ZFPM2: variants seen among roughly 807,000 people sequenced by gnomAD.
ZFPM2 encodes the protein zinc finger protein ZFPM2.
Under a neutral mutation model 98.6 loss-of-function variants are expected in ZFPM2, and 20 were observed. The ratio of observed to expected loss-of-function variants is 0.20; its 90% CI spans 0.14 to 0.29. ZFPM2 has a LOEUF of 0.29. Ranked by LOEUF, ZFPM2 falls within the 10% of genes least tolerant of loss-of-function variation. The pLI is 1.00. For missense variants in ZFPM2, 1,310 were observed against 1,388.6 expected, an observed-to-expected ratio of 0.94 and a Z score of 0.90; for synonymous variants, 518 against 502.7, an observed-to-expected ratio of 1.03 and a Z score of -0.41.
At chr8:105,377,582 C>A (rs1222809316) in intron 1 of ZFPM2, among the ~76,000 whole-genome samples, 14 of 101,028 alleles carry the variant, frequency 1.4e-4, no homozygotes, top group African/African-American at 4.9e-4. Context: ...GCCAACATAG[C>A]AAAACCCCGT....
intron 2 of ZFPM2, 85 bp downstream of exon 2, chr8:105,419,387 G>A: frequency 6.8e-7 from 1 of 1,468,410 alleles, no homozygotes; most frequent in Non-Finnish European, 9.2e-7. Flanking sequence ...AGTCCTCAGA[G>A]TGCTGACACA....
intron 1 of ZFPM2, among the ~76,000 whole-genome samples, chr8:105,402,267 ATTC>A (rs1811355577): frequency 2.0e-5 from 3 of 151,956 alleles, no homozygotes; most frequent in Admixed American, 2.0e-4. Flanking sequence ...GTGCTTTTTT[ATTC>A]TAATCTTCAA....
chr8:105,588,606 A>G (rs991241780), intron 4 of ZFPM2, among the ~76,000 whole-genome samples: 5 of 152,152 alleles, frequency 3.3e-5, no homozygotes, highest in African/African-American at 1.2e-4. Context: ...TAGGACTTCA[A>G]TCTCAGTGGA....
At chr8:105,693,993 T>TC (rs1327186485) in intron 5 of ZFPM2, among the ~76,000 whole-genome samples, 1 of 82,040 alleles carries the variant, frequency 1.2e-5, no homozygotes, top group Non-Finnish European at 3.0e-5. Context: ...TTTTTTTTTT[T>TC]TTTTTTTTTG....
intron 1 of ZFPM2, among the ~76,000 whole-genome samples, chr8:105,395,426 G>A (rs550190635): frequency 2.0e-5 from 3 of 152,224 alleles, no homozygotes; most frequent in East Asian, 1.9e-4. Context: ...CCCAGAGATG[G>A]TAGGATCCAC....
intron 4 of ZFPM2, among the ~76,000 whole-genome samples, chr8:105,580,709 C>G (rs979456971): frequency 6.6e-6 from 1 of 151,828 alleles, no homozygotes; most frequent in Non-Finnish European, 1.5e-5. Flanking sequence ...AAAAGAAACA[C>G]AAACTAAGAT....
intron 5 of ZFPM2, among the ~76,000 whole-genome samples, chr8:105,655,838 A>T (rs567233830): frequency 6.6e-6 from 1 of 152,356 alleles, no homozygotes; most frequent in South Asian, 2.1e-4. Context: ...CGTTACTTTT[A>T]TGATAGGGCC....
intron 1 of ZFPM2, among the ~76,000 whole-genome samples, chr8:105,330,438 G>A (rs1360945749): frequency 6.7e-6 from 1 of 150,114 alleles, no homozygotes; most frequent in Non-Finnish European, 1.5e-5. Context: ...CACCATTTCA[G>A]CAGTAATTAG....
intron 5 of ZFPM2, among the ~76,000 whole-genome samples, chr8:105,672,609 A>G (rs74945451): frequency 6.6e-6 from 1 of 152,100 alleles, no homozygotes. Flanking sequence ...TGACTTTTTG[A>G]TCATCTTTCT....
chr8:105,530,485 G>A (rs1244084655), intron 3 of ZFPM2, among the ~76,000 whole-genome samples: 3 of 152,218 alleles, frequency 2.0e-5, no homozygotes, highest in South Asian at 2.1e-4. Flanking sequence ...TCAGGGTGAC[G>A]TCATGGTCAA....
chr8:105,394,349 G>GCTAA (rs1336656364), intron 1 of ZFPM2, among the ~76,000 whole-genome samples: 3 of 152,250 alleles, frequency 2.0e-5, no homozygotes, highest in Non-Finnish European at 4.4e-5. Flanking sequence ...TTACTGACAT[G>GCTAA]CTAACTCTGT....
intron 5 of ZFPM2, among the ~76,000 whole-genome samples, chr8:105,768,011 C>G (rs1812893533): frequency 6.6e-6 from 1 of 151,744 alleles, no homozygotes; most frequent in South Asian, 2.1e-4. Flanking sequence ...GCAGGCATCT[C>G]CAGTTAAATG....
chr8:105,569,133 A>G (rs571782230), intron 4 of ZFPM2, among the ~76,000 whole-genome samples: 19 of 152,154 alleles, frequency 1.2e-4, no homozygotes, highest in Non-Finnish European at 1.9e-4. Flanking sequence ...TAGGTTTACT[A>G]GGATAAGAGC....
chr8:105,603,129 A>G (rs934941412), intron 4 of ZFPM2, among the ~76,000 whole-genome samples: 7 of 152,218 alleles, frequency 4.6e-5, no homozygotes, highest in African/African-American at 1.7e-4. Flanking sequence ...CAAAAATTGT[A>G]TGGTGTTAGG....
At chr8:105,553,572 A>G (rs1230799007) in intron 3 of ZFPM2, among the ~76,000 whole-genome samples, 1 of 152,184 alleles carries the variant, frequency 6.6e-6, no homozygotes, top group Non-Finnish European at 1.5e-5. Flanking sequence ...TTTCCAGTGC[A>G]ATTACAAGCT....
intron 5 of ZFPM2, among the ~76,000 whole-genome samples, chr8:105,763,691 C>T (rs76599683): frequency 1.3e-5 from 2 of 151,832 alleles, no homozygotes; most frequent in Non-Finnish European, 2.9e-5. Context: ...TCCAAGGTCA[C>T]ATAGATGCTA....
At chr8:105,494,373 G>A (rs1405908376) in intron 3 of ZFPM2, among the ~76,000 whole-genome samples, 3 of 150,952 alleles carry the variant, frequency 2.0e-5, no homozygotes, top group Non-Finnish European at 4.4e-5. Flanking sequence ...CGACTCTTGG[G>A]TACCTCCCAC....
chr8:105,562,806 C>T (rs1172715203), intron 4 of ZFPM2, among the ~76,000 whole-genome samples: 1 of 152,194 alleles, frequency 6.6e-6, no homozygotes, highest in Non-Finnish European at 1.5e-5. Context: ...GATTAACACT[C>T]TCAATTCCAT....
chr8:105,452,720 C>T (rs1812511232), intron 3 of ZFPM2, among the ~76,000 whole-genome samples: 1 of 152,066 alleles, frequency 6.6e-6, no homozygotes, highest in Non-Finnish European at 1.5e-5. Context: ...CTACTGCACT[C>T]CAGCCTGAGC....
Sources: gnomAD v4.1 joint callset for allele counts (sites outside exome capture counted in the v4.1 genomes callset) on GRCh38, gnomAD v4.1.1 for gene constraint, MANE v1.5 for transcripts, NCBI Gene and HGNC (gene_info 2026-07-23, HGNC 2026-07-21) for gene names.